The following TCF12 variants were observed in gnomAD, a reference collection of about 807,000 sequenced individuals.
TCF12 encodes the protein DNA-binding protein HTF4.
Under a neutral mutation model 86.0 loss-of-function variants are expected in TCF12, and 45 were observed. The observed-to-expected ratio is 0.52, with a 90% CI of 0.41 to 0.67. The LOEUF is 0.67. Ranked by LOEUF, TCF12 falls within the 30% of genes least tolerant of loss-of-function variation. The pLI is 0.00. For synonymous variants in TCF12, 330 were observed against 299.6 expected (o/e 1.10, Z -1.05); for missense variants, 881 against 859.9 (o/e 1.02, Z -0.31).
At position 57,163,210 on chromosome 15, in the gene TCF12, T is replaced by TA. The variant is rs532316281; in HGVS notation, c.326-3185dup. Among the ~76,000 whole-genome samples the TA allele has an allele frequency of 2.2e-3, 338 of 152,116 alleles. 1 individual carries two copies. Among genetic ancestry groups the TA allele is most frequent in the African/African-American group, 7.4e-3 (308 of 41,528 alleles). The stretch of plus-strand genomic sequence containing the variant: ...AAAATAAAAAATGTAGTTCACTAAT[T>TA]AAAAAAACTCTACAGGTGAATAGGA... On this transcript the variant is annotated intron_variant, in intron 5 of 20. Transcript: ENST00000333725.
chr15:57,145,821 T>G (rs1217691206), intron 5 of TCF12, among the ~76,000 whole-genome samples: 1 of 152,166 alleles, frequency 6.6e-6, no homozygotes, highest in African/African-American at 2.4e-5. Flanking sequence ...GCTACTCTGC[T>G]CCTGCTGCGT....
rs577835056 is a variant in TCF12, at chr15:57,244,165, C to T, written c.1114+615C>T. On this transcript the variant is annotated intron_variant, in intron 13 of 20. Transcript: ENST00000333725. ...AAATGCTGGGATTACAGGTGTCAGC[C>T]GCCATACCTACCCCCCAAAAAATGG... Among the ~76,000 whole-genome samples the T allele has an allele frequency of 2.3e-4, 35 of 152,198 alleles. No individual in the cohort carries two copies. The East Asian group carries it at 2.7e-3, about 12-fold the overall frequency.
At chr15:57,112,203 A>G (rs1348905054) in intron 5 of TCF12, among the ~76,000 whole-genome samples, 1 of 152,158 alleles carries the variant, frequency 6.6e-6, no homozygotes, top group African/African-American at 2.4e-5. Flanking sequence ...TTGGGTAGAA[A>G]GGCCTGGGGG....
At chr15:57,091,203 A>G (rs1265048551) in intron 4 of TCF12, among the ~76,000 whole-genome samples, 1 of 152,224 alleles carries the variant, frequency 6.6e-6, no homozygotes, top group Non-Finnish European at 1.5e-5. Flanking sequence ...TAAAATGAGT[A>G]TAAACAGACC....
chr15:57,184,431 G>A (rs2056546736), intron 6 of TCF12, among the ~76,000 whole-genome samples: 1 of 152,140 alleles, frequency 6.6e-6, no homozygotes, highest in African/African-American at 2.4e-5. Context: ...AAGGGACACT[G>A]TTGAGAGACA....
chr15:57,150,747 C>T (rs2053675119), intron 5 of TCF12, among the ~76,000 whole-genome samples: 1 of 152,018 alleles, frequency 6.6e-6, no homozygotes, highest in Non-Finnish European at 1.5e-5. Flanking sequence ...TATAAATACG[C>T]TTGATAGCTC....
chr15:57,281,396 G>C (rs749064587), intron 19 of TCF12, among the ~76,000 whole-genome samples: 11 of 152,200 alleles, frequency 7.2e-5, no homozygotes, highest in Non-Finnish European at 1.5e-4. Flanking sequence ...AAAGTAAGAT[G>C]TGCTCCACCT....
chr15:57,234,198 A>G (rs2059288021), intron 12 of TCF12, 91 bp downstream of exon 12: 3 of 994,298 alleles, frequency 3.0e-6, no homozygotes, highest in Non-Finnish European at 4.8e-6. Context: ...TCTAAAGAGT[A>G]TAGATGTAAC....
chr15:57,119,014 T>C (rs2051033316), intron 5 of TCF12, among the ~76,000 whole-genome samples: 1 of 152,236 alleles, frequency 6.6e-6, no homozygotes, highest in African/African-American at 2.4e-5. Flanking sequence ...TTGTTTGTTT[T>C]ATCATGTACT....
In TCF12 at chr15:57,011,098, C is replaced by T. The variant is rs372576746; in HGVS notation, c.149-52652C>T. ...TTCATAAGAATTTTGTTCACTGTAG[C>T]AATCATTTTTTAAAAAAATTAAATG... On this transcript the variant is annotated intron_variant, in intron 3 of 20. Transcript: ENST00000333725. Among the ~76,000 whole-genome samples the T allele has an allele frequency of 8.5e-5, 13 of 152,236 alleles. No individual in the cohort carries two copies. In the East Asian group the frequency reaches 1.5e-3, roughly 18 times the overall value.
chr15:57,091,635 C>T (rs2048999798), intron 4 of TCF12, among the ~76,000 whole-genome samples, 154 bp from the exon 5 acceptor site: 1 of 152,110 alleles, frequency 6.6e-6, no homozygotes, highest in Admixed American at 6.6e-5. Context: ...ATAAAAGAAG[C>T]ACTTCTGCTG....
chr15:57,175,265 G>A (rs1438299688), intron 6 of TCF12, among the ~76,000 whole-genome samples: 2 of 152,110 alleles, frequency 1.3e-5, no homozygotes, highest in Non-Finnish European at 2.9e-5. Context: ...AAGTGATTGA[G>A]GGGTATCACT....
chr15:57,065,810 AGTTT>A (rs1475584461), intron 4 of TCF12, among the ~76,000 whole-genome samples: 3 of 152,134 alleles, frequency 2.0e-5, no homozygotes, highest in Non-Finnish European at 2.9e-5. Flanking sequence ...TATTTTACTT[AGTTT>A]ATTTATTTTT....
chr15:57,136,034 C>G (rs1763691164), intron 5 of TCF12, among the ~76,000 whole-genome samples: 1 of 151,860 alleles, frequency 6.6e-6, no homozygotes, highest in Non-Finnish European at 1.5e-5. Context: ...ATCTTCCACT[C>G]TGTGTTTAGG....
chr15:57,070,939 A>T (rs1443430408), intron 4 of TCF12, among the ~76,000 whole-genome samples: 1 of 152,166 alleles, frequency 6.6e-6, no homozygotes, highest in Non-Finnish European at 1.5e-5. Context: ...GTCCAGTGGC[A>T]TAAGAACAGT....
At chr15:56,994,379 A>G (rs1176581210) in intron 3 of TCF12, among the ~76,000 whole-genome samples, 1 of 152,180 alleles carries the variant, frequency 6.6e-6, no homozygotes, top group South Asian at 2.1e-4. Context: ...AGAGGTAGTC[A>G]ACATATAGAA....
intron 7 of TCF12, among the ~76,000 whole-genome samples, chr15:57,197,216 G>A (rs2057314380): frequency 1.4e-5 from 2 of 138,188 alleles, no homozygotes; most frequent in African/African-American, 2.7e-5. Context: ...GAGTACAGTA[G>A]TGCCATCTTG....
chr15:57,251,421 C>G lies in TCF12; in HGVS notation c.1186C>G (p.Leu396Val), dbSNP rs751549563. Residue 396 changes from leucine to valine, a missense_variant and splice_region_variant, in exon 14 of 21, where the codon CTG becomes GTG. Around this residue, in one of 3 missense-constraint regions of TCF12, gnomAD observed 766 missense variants for 718.9 expected, o/e 1.07. Transcript: ENST00000333725. The part of the protein sequence containing the change: ...SPSYENSLHS[L>V]KNRVEQQLHE... ...AAGCTATGAAAACTCACTCCACTCCCTGGTAAGAGCCTCTTATACATCAGT... is the reference window on the plus strand; with the variant it reads ...AAGCTATGAAAACTCACTCCACTCCGTGGTAAGAGCCTCTTATACATCAGT... The G allele has an allele frequency of 3.7e-6, 6 of 1,613,712 alleles. No individual in the cohort carries two copies. Among genetic ancestry groups the G allele is most frequent in the Non-Finnish European group, 5.1e-6 (6 of 1,179,834 alleles).
intron 8 of TCF12, among the ~76,000 whole-genome samples, chr15:57,215,184 T>TA (rs1346485291): frequency 1.3e-5 from 2 of 152,174 alleles, no homozygotes; most frequent in African/African-American, 4.8e-5. Flanking sequence ...TGTTCAGATA[T>TA]AAAACCTGGA....
Sources: gnomAD v4.1 joint callset for allele counts (sites outside exome capture counted in the v4.1 genomes callset) on GRCh38, gnomAD v4.1.1 for gene constraint, gnomAD v4.1.1 regional missense constraint, MANE v1.5 for transcripts, NCBI Gene and HGNC (gene_info 2026-07-23, HGNC 2026-07-21) for gene names.